DSCAML1: variants seen among roughly 807,000 people sequenced by gnomAD.
DSCAML1 encodes the protein cell adhesion molecule DSCAML1.
In DSCAML1, 38 loss-of-function variants were observed where a neutral mutation model predicts 200.5. The observed-to-expected ratio is 0.19, with a 90% CI of 0.15 to 0.25. The LOEUF (loss-of-function observed/expected upper bound fraction) is 0.25. Among genes scored for constraint, DSCAML1 ranks in the 10% least tolerant of loss-of-function variants. The pLI, the probability that DSCAML1 is intolerant of heterozygous loss-of-function variation, is 1.00. For missense variants in DSCAML1, 2,223 were observed against 2,858.8 expected, an observed-to-expected ratio of 0.78 and a Z score of 5.07; for synonymous variants, 1,215 against 1,165.0, an observed-to-expected ratio of 1.04 and a Z score of -0.87.
rs1467077182 is a variant in DSCAML1, at chr11:117,505,398, T to TAGC, written c.2062+53_2062+55dup. 49 of 1,579,454 alleles carry TAGC rather than the reference T, an allele frequency of 3.1e-5. No homozygotes were observed. Among genetic ancestry groups the TAGC allele is most frequent in the Admixed American group, 8.5e-5 (5 of 59,160 alleles). ...GGAACTGGAAATCTAGAGACTGCAG[T>TAGC]AGCAGCAGGCAGAATGGGCTCCTCC... On this transcript the variant is annotated intron_variant, in intron 9 of 32. Coordinates refer to ENST00000651296, the MANE Select transcript of DSCAML1 (RefSeq NM_020693.4). This position sits in a 1 kb window ranked among gnomAD's most constrained non-coding sequence, Gnocchi z 6.7.
intron 1 of DSCAML1, among the ~76,000 whole-genome samples, chr11:117,807,077 C>T (rs1005837812): frequency 6.6e-6 from 1 of 152,230 alleles, no homozygotes; most frequent in Admixed American, 6.5e-5. Context: ...GCACCCGCTT[C>T]CCCCAAGCCA....
At chr11:117,743,026 T>TCCATCCATCCATCCAC (rs1395272497) in intron 3 of DSCAML1, among the ~76,000 whole-genome samples, 4 of 151,760 alleles carry the variant, frequency 2.6e-5, no homozygotes, top group African/African-American at 9.7e-5. Context: ...CATCCATCCA[T>TCCATCCATCCATCCAC]CCACCCATCC....
At chr11:117,703,816 G>A (rs908905835) in intron 3 of DSCAML1, among the ~76,000 whole-genome samples, 2 of 152,144 alleles carry the variant, frequency 1.3e-5, no homozygotes, top group Non-Finnish European at 2.9e-5. Context: ...GGTGGCCCAA[G>A]AAACATTGAG....
intron 4 of DSCAML1, among the ~76,000 whole-genome samples, chr11:117,528,710 A>T (rs1371508385): frequency 1.3e-5 from 2 of 152,192 alleles, no homozygotes; most frequent in Non-Finnish European, 2.9e-5. Context: ...CTCTCTGACC[A>T]CTAGTCTCCT....
At chr11:117,620,400 C>A (rs2051904706) in intron 3 of DSCAML1, among the ~76,000 whole-genome samples, 1 of 152,200 alleles carries the variant, frequency 6.6e-6, no homozygotes, top group Admixed American at 6.5e-5. Context: ...GTCCTCCACA[C>A]CTCCCCTAAG....
chr11:117,536,356 C>T (rs2050170902), intron 3 of DSCAML1, among the ~76,000 whole-genome samples: 1 of 152,172 alleles, frequency 6.6e-6, no homozygotes, highest in African/African-American at 2.4e-5. Context: ...GGGCTGGCAG[C>T]CCATGCTCTG....
At chr11:117,725,456 A>T (rs1332381280) in intron 3 of DSCAML1, among the ~76,000 whole-genome samples, 1 of 152,308 alleles carries the variant, frequency 6.6e-6, no homozygotes, top group South Asian at 2.1e-4. Flanking sequence ...ACTCTGATTG[A>T]GGCTCTGATC....
At chr11:117,658,654 G>A (rs756745759) in intron 3 of DSCAML1, among the ~76,000 whole-genome samples, 1 of 152,186 alleles carries the variant, frequency 6.6e-6, no homozygotes. Flanking sequence ...ACCAACAAAA[G>A]GTTAACATCT....
intron 3 of DSCAML1, among the ~76,000 whole-genome samples, chr11:117,646,433 TC>T (rs1297866927): frequency 6.6e-6 from 1 of 151,914 alleles, no homozygotes; most frequent in East Asian, 1.9e-4. Context: ...TCTGCTGGGA[TC>T]CCCCCCAAGT....
intron 3 of DSCAML1, among the ~76,000 whole-genome samples, chr11:117,639,265 C>G (rs1003103420): frequency 3.1e-5 from 4 of 129,870 alleles, no homozygotes; most frequent in African/African-American, 8.5e-5. Context: ...GGGAGGCTGG[C>G]TGGGAGCTGG....
intron 1 of DSCAML1, among the ~76,000 whole-genome samples, chr11:117,811,919 G>C (rs112667171): frequency 1.4e-4 from 22 of 152,236 alleles, no homozygotes; most frequent in African/African-American, 3.9e-4. Flanking sequence ...ACTGCTGTGC[G>C]TATTGACAGC....
intron 3 of DSCAML1, among the ~76,000 whole-genome samples, chr11:117,701,559 G>A (rs2053667605): frequency 6.6e-6 from 1 of 152,216 alleles, no homozygotes; most frequent in Non-Finnish European, 1.5e-5. Flanking sequence ...GCTGCCGGCT[G>A]GGGAAGAGCC....
intron 3 of DSCAML1, among the ~76,000 whole-genome samples, chr11:117,761,835 C>T (rs956654561): frequency 2.6e-5 from 4 of 152,220 alleles, no homozygotes; most frequent in African/African-American, 9.6e-5. Flanking sequence ...TATGCCCCTG[C>T]ACTTCAGCCT....
intron 3 of DSCAML1, among the ~76,000 whole-genome samples, chr11:117,536,134 G>A (rs1230335489): frequency 1.3e-5 from 2 of 152,186 alleles, no homozygotes; most frequent in East Asian, 3.9e-4. Context: ...AGGGGAAGGA[G>A]AAATCAGGGG....
At chr11:117,470,750 T>C (rs12362636) in intron 15 of DSCAML1, among the ~76,000 whole-genome samples, 13,056 of 152,254 alleles carry the variant, frequency 0.086, 770 homozygotes, top group East Asian at 0.19. Flanking sequence ...TACAGTAGAA[T>C]GGACAAATCC....
intron 3 of DSCAML1, among the ~76,000 whole-genome samples, chr11:117,665,267 C>T (rs2052951205): frequency 6.6e-6 from 1 of 152,214 alleles, no homozygotes; most frequent in Non-Finnish European, 1.5e-5. Context: ...CCCAAGGGGA[C>T]TGGAAGTCGG....
At chr11:117,737,974 CTA>C in intron 3 of DSCAML1, among the ~76,000 whole-genome samples, 1 of 152,230 alleles carries the variant, frequency 6.6e-6, no homozygotes, top group South Asian at 2.1e-4. Flanking sequence ...GATCAGATCT[CTA>C]TTTTAGATAG....
intron 3 of DSCAML1, among the ~76,000 whole-genome samples, chr11:117,605,131 C>T (rs565132461): frequency 5.3e-5 from 8 of 152,176 alleles, no homozygotes; most frequent in Non-Finnish European, 1.2e-4. Flanking sequence ...TGGGCTCACG[C>T]AATCCTCCCA....
rs377046156 is a variant in DSCAML1, at chr11:117,750,251, C to G, written c.511+26540G>C. Among the ~76,000 whole-genome samples, 4 of 152,326 alleles carry G rather than the reference C, an allele frequency of 2.6e-5. No homozygotes were observed. The South Asian group carries it at 8.3e-4, about 32-fold the overall frequency. ...GTCCCCAGCCTGCACGCTGCACACC[C>G]TGGCACTGCCCCTACTCCTGACCGA... On this transcript the variant is annotated intron_variant, in intron 3 of 32. Transcript: ENST00000651296.
Sources: gnomAD v4.1 joint callset for allele counts (sites outside exome capture counted in the v4.1 genomes callset) on GRCh38, gnomAD v4.1.1 for gene constraint, Gnocchi (gnomAD v3.1) non-coding constraint, MANE v1.5 for transcripts, NCBI Gene and HGNC (gene_info 2026-07-23, HGNC 2026-07-21) for gene names.